Variants in FLRT2 observed in about 807,000 individuals in gnomAD.
FLRT2 encodes the protein leucine-rich repeat transmembrane protein FLRT2.
FLRT2 carries 15 observed loss-of-function variants against 40.0 expected under a neutral mutation model. The observed-to-expected ratio is 0.38, with a 90% CI of 0.25 to 0.58. The LOEUF (loss-of-function observed/expected upper bound fraction) is 0.58. Ranked by LOEUF, FLRT2 falls within the 20% of genes least tolerant of loss-of-function variation. The probability of loss-of-function intolerance (pLI) is 0.71; values close to 1 mark genes in which losing one functional copy is unlikely to be tolerated. For synonymous variants in FLRT2, 380 were observed against 336.8 expected, an observed-to-expected ratio of 1.13 and a Z score of -1.41; for missense variants, 726 against 840.0, an observed-to-expected ratio of 0.86 and a Z score of 1.68.
chr14:85,562,868 C>A (rs1002758519), intron 1 of FLRT2: 1 of 151,854 alleles, frequency 6.6e-6, no homozygotes, highest in Admixed American at 6.6e-5. Flanking sequence ...AACTTTATAC[C>A]GTGAGGGAAA....
At chr14:85,606,392 C>T (rs1892614019) in intron 1 of FLRT2, among the ~76,000 whole-genome samples, 1 of 152,132 alleles carries the variant, frequency 6.6e-6, no homozygotes, top group Non-Finnish European at 1.5e-5. Context: ...CACTTGACGT[C>T]CCAGTTTCTG....
chr14:85,580,752 G>A (rs990610648), intron 1 of FLRT2, among the ~76,000 whole-genome samples: 1 of 148,072 alleles, frequency 6.8e-6, no homozygotes, highest in Non-Finnish European at 1.5e-5. Context: ...TAGAGCAAGC[G>A]TTCCTGTGTT....
At chr14:85,541,252 A>G (rs943967072) in intron 1 of FLRT2, among the ~76,000 whole-genome samples, 4 of 152,180 alleles carry the variant, frequency 2.6e-5, no homozygotes, top group Non-Finnish European at 5.9e-5. Flanking sequence ...AAATGAAGAA[A>G]GCTTGCTCAT....
intron 1 of FLRT2, among the ~76,000 whole-genome samples, chr14:85,568,773 C>A (rs1890752934): frequency 6.6e-6 from 1 of 152,176 alleles, no homozygotes; most frequent in Non-Finnish European, 1.5e-5. Context: ...TCTTCTCTCA[C>A]CTACTTAACT....
chr14:85,572,914 G>A (rs1308261013), intron 1 of FLRT2, among the ~76,000 whole-genome samples: 2 of 152,072 alleles, frequency 1.3e-5, no homozygotes, highest in Non-Finnish European at 2.9e-5. Flanking sequence ...ACACAAGTCT[G>A]AGTAACTCTC....
In FLRT2 at chr14:85,558,055, C is replaced by T. The variant is rs192446569; in HGVS notation, c.-377+27521C>T. ...TCCGTAGAAAGCATCTGTAGACTTC[C>T]GCAGAAAGCATCCGTAGACTTCCGT... On this transcript the variant is annotated intron_variant, in intron 1 of 1. Transcript: ENST00000330753. 1.8e-3 allele frequency among the ~76,000 whole-genome samples: 274 copies of T among 152,118 alleles called. 1 individual carries two copies. Among genetic ancestry groups the T allele is most frequent in the Non-Finnish European group, 3.3e-3 (227 of 67,994 alleles).
Position 85,622,100 on chromosome 14 carries a change from T to C in FLRT2, c.586T>C (p.Ser196Pro), listed in dbSNP as rs767009096. The change falls in exon 2 of 2, where the codon TCC becomes CCC. Residue 196 changes from serine (S) to proline (P), a missense_variant. Physicochemically the swap from Ser to Pro is moderately conservative, Grantham distance 74 (BLOSUM62 -1). This residue lies in a region of FLRT2 where 611 missense variants were observed against 690.0 expected (regional missense o/e 0.89). Coordinates refer to ENST00000330753, the MANE Select transcript of FLRT2 (RefSeq NM_013231.6). The part of the protein sequence containing the change: ...RVDENRIAVI[S>P]DMAFQNLTSL... ...GGATGAAAATCGAATTGCTGTCATA[T>C]CCGACATGGCCTTCCAGAATCTCAC... 2.5e-6 allele frequency: 4 copies of C among 1,614,160 alleles called. No homozygotes were observed. The highest frequency in any genetic ancestry group is 2.2e-5 in the South Asian group (2 of 91,082).
Position 85,589,153 on chromosome 14 carries a change from G to T in FLRT2, c.-376-31986G>T, listed in dbSNP as rs575830708. ...AGTAATGCAATTGCTGGATTATATG[G>T]TAGCTTAATTTTTAGTATTTTGAGG... On this transcript the variant is annotated intron_variant, in intron 1 of 1. Transcript: ENST00000330753. 4.6e-5 allele frequency among the ~76,000 whole-genome samples: 7 copies of T among 152,270 alleles called. No individual in the cohort carries two copies. The East Asian group carries it at 1.4e-3, about 29-fold the overall frequency.
At chr14:85,563,107 T>G (rs983037119) in intron 1 of FLRT2, 2 of 151,938 alleles carry the variant, frequency 1.3e-5, no homozygotes, top group Admixed American at 6.6e-5. Flanking sequence ...CTGTTGGACC[T>G]CCACTCCTTA....
At chr14:85,541,289 A>G (rs1888971701) in intron 1 of FLRT2, among the ~76,000 whole-genome samples, 1 of 152,192 alleles carries the variant, frequency 6.6e-6, no homozygotes, top group South Asian at 2.1e-4. Context: ...TTTTAGCACT[A>G]TCCATGAACT....
In FLRT2 at chr14:85,647,518, GTTT is replaced by G. The variant is rs1894334485; in HGVS notation, c.*24022_*24024del. On this transcript the variant is annotated 3_prime_UTR_variant, in exon 2 of 2. Transcript: ENST00000330753. ...AAGTCTTACTAGTCAATGGAAGAAT[GTTT>G]CTCTTCCAAGAGGACACAACAATGA... 6.6e-6 allele frequency: 1 copy of G among 152,130 alleles called. No homozygotes were observed. The highest frequency in any genetic ancestry group is 1.5e-5 in the Non-Finnish European group (1 of 68,026). The allele number at this position is 152,130 out of a possible 1,614,324, so 9.4% of individuals were successfully genotyped here. A position where few individuals can be genotyped will look rare whatever the true frequency, so the allele number is the denominator to read the frequency against.
rs1893448736 is a variant in FLRT2, at chr14:85,622,599, C to T, written c.1085C>T (p.Thr362Ile). 6.2e-7 allele frequency: 1 copy of T among 1,613,630 alleles called. No individual in the cohort carries two copies. Among genetic ancestry groups the T allele is most frequent in the Non-Finnish European group, 8.5e-7 (1 of 1,179,960 alleles). ...AATATGAATCTTTTGTCCTGTCCCA[C>T]CACGACCCCCGGCCTGCCTCTCTTC... ...ELNMNLLSCP[T>I]TTPGLPLFTP... The change falls in exon 2 of 2, where the codon ACC becomes ATC. Residue 362 changes from threonine to isoleucine, a missense_variant. Coordinates refer to ENST00000330753, the MANE Select transcript of FLRT2 (RefSeq NM_013231.6).
At chr14:85,541,693 C>T (rs563073312) in intron 1 of FLRT2, among the ~76,000 whole-genome samples, 2 of 152,270 alleles carry the variant, frequency 1.3e-5, no homozygotes, top group South Asian at 4.1e-4. Flanking sequence ...ATTTCATTGT[C>T]TTACCATTAC....
At chr14:85,566,182 A>C (rs1391246341) in intron 1 of FLRT2, among the ~76,000 whole-genome samples, 1 of 152,124 alleles carries the variant, frequency 6.6e-6, no homozygotes, top group Admixed American at 6.5e-5. Flanking sequence ...CATACACTGG[A>C]GATCAGGAGA....
At chr14:85,550,814 G>A (rs1466238990) in intron 1 of FLRT2, among the ~76,000 whole-genome samples, 2 of 152,128 alleles carry the variant, frequency 1.3e-5, no homozygotes, top group Admixed American at 6.6e-5. Flanking sequence ...TGATCTCCTT[G>A]TCTAACACAC....
At chr14:85,571,279 A>C (rs1208330295) in intron 1 of FLRT2, among the ~76,000 whole-genome samples, 1 of 152,204 alleles carries the variant, frequency 6.6e-6, no homozygotes, top group African/African-American at 2.4e-5. Flanking sequence ...GAGAATAGAA[A>C]TTATCACCTT....
chr14:85,635,678 C>A lies in FLRT2; in HGVS notation c.*12181C>A, dbSNP rs1157328984. 3.9e-5 allele frequency: 6 copies of A among 151,936 alleles called. No individual in the cohort carries two copies. Among genetic ancestry groups the A allele is most frequent in the Non-Finnish European group, 7.4e-5 (5 of 67,928 alleles). 9.4% of individuals were successfully genotyped at this position (151,936 alleles called of 1,614,324 possible). On this transcript the variant is annotated 3_prime_UTR_variant, in exon 2 of 2. Coordinates refer to ENST00000330753, the MANE Select transcript of FLRT2 (RefSeq NM_013231.6). ...CAGATTTTAACCCTGATCCCTGCCA[C>A]TTTTATCTGAACCTTGAACAAACAT...
At chr14:85,542,648 A>G (rs1170452243) in intron 1 of FLRT2, among the ~76,000 whole-genome samples, 2 of 152,222 alleles carry the variant, frequency 1.3e-5, no homozygotes, top group Admixed American at 1.3e-4. Context: ...AGGAAATGTA[A>G]GAGAGATTAA....
Position 85,622,496 on chromosome 14 carries a change from A to G in FLRT2, c.982A>G (p.Ile328Val). Residue 328 changes from isoleucine to valine, a missense_variant, in exon 2 of 2, where the codon ATC (isoleucine) becomes GTC (valine). Physicochemically the swap from Ile to Val is conservative, Grantham distance 29 (BLOSUM62 3). This residue lies in a region of FLRT2 where 611 missense variants were observed against 690.0 expected (regional missense o/e 0.89). Transcript: ENST00000330753. Reference protein sequence around the residue: ...IKWVTEWLKYIPSSLNVRGFM... With the variant: ...IKWVTEWLKYVPSSLNVRGFM... ...ATGGGTCACAGAATGGCTCAAATAT[A>G]TCCCTTCATCTCTCAACGTGCGGGG... 6.8e-6 allele frequency: 11 copies of G among 1,614,058 alleles called. No homozygotes were observed. The highest frequency in any genetic ancestry group is 8.5e-6 in the Non-Finnish European group (10 of 1,180,022).
Sources: allele counts gnomAD v4.1 joint callset (sites outside exome capture counted in the v4.1 genomes callset), GRCh38; gene constraint gnomAD v4.1.1; regional missense constraint gnomAD v4.1.1; transcripts MANE v1.5; gene names NCBI Gene and HGNC (gene_info 2026-07-23, HGNC 2026-07-21).